SLC33A1: variants seen among roughly 807,000 people sequenced by gnomAD.
The protein encoded by SLC33A1 is solute carrier family 33 member 1.
SLC33A1 carries 20 observed loss-of-function variants against 50.0 expected under a neutral mutation model. The observed-to-expected ratio is 0.40, with a 90% CI of 0.28 to 0.58. SLC33A1 has a LOEUF of 0.58. Among genes scored for constraint, SLC33A1 ranks in the 20% least tolerant of loss-of-function variants. The probability of loss-of-function intolerance (pLI) is 0.44; values close to 1 mark genes in which losing one functional copy is unlikely to be tolerated. For missense variants in SLC33A1, 476 were observed against 657.0 expected, an observed-to-expected ratio of 0.72 and a Z score of 3.01; for synonymous variants, 265 against 251.8, an observed-to-expected ratio of 1.05 and a Z score of -0.50.
chr3:155,836,765 G>A (rs1417164732), intron 2 of SLC33A1, among the ~76,000 whole-genome samples: 1 of 152,052 alleles, frequency 6.6e-6, no homozygotes, highest in Non-Finnish European at 1.5e-5. Context: ...TGGGCGTGGT[G>A]GTGGCACATG....
At chr3:155,836,382 C>T (rs917110419) in intron 2 of SLC33A1, among the ~76,000 whole-genome samples, 2 of 143,070 alleles carry the variant, frequency 1.4e-5, no homozygotes, top group African/African-American at 5.2e-5. Context: ...TGGAATAGAG[C>T]CAAAGAAAAT....
intron 2 of SLC33A1, among the ~76,000 whole-genome samples, chr3:155,841,232 GTTTT>G (rs1408432496): frequency 6.6e-6 from 1 of 151,808 alleles, no homozygotes; most frequent in African/African-American, 2.4e-5. Flanking sequence ...TACCCAGATA[GTTTT>G]TTTATTTTTT....
chr3:155,837,959 C>G (rs1196962254), intron 2 of SLC33A1, among the ~76,000 whole-genome samples: 1 of 152,126 alleles, frequency 6.6e-6, no homozygotes, highest in Non-Finnish European at 1.5e-5. Context: ...TTTTGAAAAG[C>G]AATTCAGCAA....
intron 4 of SLC33A1, among the ~76,000 whole-genome samples, chr3:155,832,941 A>G (rs1752504004): frequency 6.6e-6 from 1 of 151,792 alleles, no homozygotes; most frequent in South Asian, 2.1e-4. Context: ...TTTTTTTTTA[A>G]TGAATGAATG....
rs1752084182 is a variant in SLC33A1 at position 155,821,425 on chromosome 3, A to T, written c.*6785T>A. ...GACAACAATAGATATAGACTCACCA[A>T]TATAATTTGACAGTGGTAATTTATC... On this transcript the variant is annotated 3_prime_UTR_variant, in exon 6 of 6. Transcript: ENST00000643144. 1 of 152,210 alleles carries T rather than the reference A, an allele frequency of 6.6e-6. No homozygotes were observed. The highest frequency in any genetic ancestry group is 2.1e-4 in the South Asian group (1 of 4,832). The allele number at this position is 152,210 out of a possible 1,614,324, so 9.4% of individuals were successfully genotyped here.
chr3:155,840,990 A>ATAT, intron 2 of SLC33A1, among the ~76,000 whole-genome samples: 1 of 151,218 alleles, frequency 6.6e-6, no homozygotes, highest in Admixed American at 6.6e-5. Context: ...TCTCAAAAAA[A>ATAT]ATATATATAT....
intron 2 of SLC33A1, among the ~76,000 whole-genome samples, chr3:155,839,670 C>T (rs1165517100): frequency 2.0e-5 from 3 of 151,874 alleles, no homozygotes; most frequent in Non-Finnish European, 4.4e-5. Context: ...ATAAGTAGGC[C>T]GGGCATGGTG....
At chr3:155,839,179 G>A (rs913751818) in intron 2 of SLC33A1, among the ~76,000 whole-genome samples, 1 of 151,220 alleles carries the variant, frequency 6.6e-6, no homozygotes, top group African/African-American at 2.4e-5. Flanking sequence ...GTGCATGCCT[G>A]TAGTCCCAGC....
chr3:155,829,883 A>G lies in SLC33A1; in HGVS notation c.1287T>C (p.Tyr429=), dbSNP rs747300088. The G allele has an allele frequency of 1.7e-5, 28 of 1,611,112 alleles. No individual in the cohort carries two copies. In the Admixed American group the frequency reaches 2.5e-4, roughly 14 times the overall value. ...ALHQVTVYSM[Y]VSIMAFNAKV... ...TTGCATTGAAAGCCATTATAGAAAC[A>G]TACATGCTGTACACTGTAACCTACG... Residue 429 remains tyrosine, a synonymous_variant, in exon 5 of 6, where the codon TAT becomes TAC. Transcript: ENST00000643144.
chr3:155,842,176 T>C (rs568620076), intron 2 of SLC33A1, among the ~76,000 whole-genome samples: 2 of 152,342 alleles, frequency 1.3e-5, no homozygotes, highest in Admixed American at 1.3e-4. Flanking sequence ...ATTAATATCA[T>C]TAAGGTTCAC....
chr3:155,853,138 G>T, intron 1 of SLC33A1, 85 bp downstream of exon 1: 1 of 1,237,958 alleles, frequency 8.1e-7, no homozygotes. Context: ...ATGATTTCCA[G>T]TAAATTAATG....
chr3:155,853,707 G>T lies in SLC33A1; in HGVS notation c.291C>A (p.Leu97=), dbSNP rs746176721. Reference sequence around the variant, plus strand: ...AGCTAACATTTTTGCTTTGCAAAATGAGTGGGATGCTTCCCGCCAAGCCCA... The same window carrying T: ...AGCTAACATTTTTGCTTTGCAAAATTAGTGGGATGCTTCCCGCCAAGCCCA... ...IPLGLAGSIP[L]ILQSKNVSYT... The change falls in exon 1 of 6, where the codon CTC becomes CTA. Residue 97 remains leucine, a synonymous_variant. Transcript: ENST00000643144. 1.2e-6 allele frequency: 2 copies of T among 1,614,160 alleles called. No individual in the cohort carries two copies. The highest frequency in any genetic ancestry group is 1.7e-5 in the Admixed American group (1 of 60,026).
intron 2 of SLC33A1, among the ~76,000 whole-genome samples, chr3:155,836,089 T>C (rs542775730): frequency 6.6e-6 from 1 of 150,962 alleles, no homozygotes; most frequent in Non-Finnish European, 1.5e-5. Flanking sequence ...TTTGAGACCA[T>C]CCTGGCCAAC....
At chr3:155,841,743 T>C (rs1752947204) in intron 2 of SLC33A1, among the ~76,000 whole-genome samples, 1 of 151,718 alleles carries the variant, frequency 6.6e-6, no homozygotes, top group Non-Finnish European at 1.5e-5. Context: ...TTTTTATTTA[T>C]TTATTTATTT....
At chr3:155,843,970 A>G (rs1753026735) in intron 1 of SLC33A1, among the ~76,000 whole-genome samples, 1 of 152,164 alleles carries the variant, frequency 6.6e-6, no homozygotes, top group Non-Finnish European at 1.5e-5. Flanking sequence ...CTTGTGCTCC[A>G]TTTTAGATGC....
At position 155,828,106 on chromosome 3, in the gene SLC33A1, G is replaced by A. The variant is rs574383122; in HGVS notation, c.*104C>T. On this transcript the variant is annotated 3_prime_UTR_variant, in exon 6 of 6. Transcript: ENST00000643144. ...TTTGGCATTTTATATTATTAATTTC[G>A]CTGTTTAAAATAATATTTTATACTC... 11 of 754,356 alleles carry A rather than the reference G, an allele frequency of 1.5e-5. No homozygotes were observed. The highest frequency in any genetic ancestry group is 7.8e-5 in the South Asian group (4 of 51,566). The allele number at this position is 754,356 out of a possible 1,614,324, so 46.7% of individuals were successfully genotyped here.
At chr3:155,850,422 A>G (rs1318868660) in intron 1 of SLC33A1, among the ~76,000 whole-genome samples, 1 of 152,186 alleles carries the variant, frequency 6.6e-6, no homozygotes, top group Admixed American at 6.5e-5. Flanking sequence ...AGTGAAATCA[A>G]GGTTTAAGAG....
At chr3:155,837,999 C>A (rs1383986454) in intron 2 of SLC33A1, among the ~76,000 whole-genome samples, 1 of 152,054 alleles carries the variant, frequency 6.6e-6, no homozygotes, top group Non-Finnish European at 1.5e-5. Flanking sequence ...CCACTAATTG[C>A]CTGCTTAATA....
chr3:155,837,218 T>C (rs540863914), intron 2 of SLC33A1, among the ~76,000 whole-genome samples: 1 of 151,460 alleles, frequency 6.6e-6, no homozygotes, highest in Non-Finnish European at 1.5e-5. Context: ...TAGCTGGGCG[T>C]GGTGGTGGGT....
Sources: gnomAD v4.1 joint callset for allele counts (sites outside exome capture counted in the v4.1 genomes callset) on GRCh38, gnomAD v4.1.1 for gene constraint, MANE v1.5 for transcripts, NCBI Gene and HGNC (gene_info 2026-07-23, HGNC 2026-07-21) for gene names.